The following COL4A5 variants were observed in gnomAD, a reference collection of about 807,000 sequenced individuals.
COL4A5 encodes collagen alpha-5(IV) chain.
COL4A5 carries 26 observed loss-of-function variants against 130.2 expected under a neutral mutation model. The ratio of observed to expected loss-of-function variants is 0.20; its 90% CI spans 0.15 to 0.28. COL4A5 has a LOEUF of 0.28. Ranked by LOEUF, COL4A5 falls within the 10% of genes least tolerant of loss-of-function variation. The probability of loss-of-function intolerance (pLI) is 1.00; values close to 1 mark genes in which losing one functional copy is unlikely to be tolerated. For missense variants in COL4A5, 1,131 were observed against 1,344.3 expected, an observed-to-expected ratio of 0.84 and a Z score of 2.48; for synonymous variants, 496 against 439.6, an observed-to-expected ratio of 1.13 and a Z score of -1.60.
At chrX:108,452,381 T>C (rs12686926) in intron 1 of COL4A5, among the ~76,000 whole-genome samples, 11,647 of 111,502 alleles carry the variant, frequency 0.1, 1,306 homozygotes, top group African/African-American at 0.34. Flanking sequence ...GGTAGCTTGA[T>C]GGGGATGGCA....
At chrX:108,547,640 A>C (rs1282967071) in intron 2 of COL4A5, among the ~76,000 whole-genome samples, 1 of 111,937 alleles carries the variant, frequency 8.9e-6, no homozygotes, top group Non-Finnish European at 1.9e-5. Context: ...CCAAGCTGTC[A>C]GATAGGGACA....
At chrX:108,492,066 G>A (rs888454168) in intron 1 of COL4A5, among the ~76,000 whole-genome samples, 2 of 111,405 alleles carry the variant, frequency 1.8e-5, no homozygotes, top group African/African-American at 6.5e-5. Context: ...TGGTAATTTC[G>A]AAGGCCATGT....
At chrX:108,674,878 G>A (rs112483562) in intron 43 of COL4A5, 125 bp downstream of exon 43, 13 of 638,680 alleles carry the variant, frequency 2.0e-5, no homozygotes, top group African/African-American at 1.4e-4. Flanking sequence ...TCCTCAAGCT[G>A]GGGTTTTAAC....
At chrX:108,516,624 C>A (rs1319530913) in intron 1 of COL4A5, among the ~76,000 whole-genome samples, 8 of 111,441 alleles carry the variant, frequency 7.2e-5, no homozygotes, top group Non-Finnish European at 1.5e-4. Context: ...ATCTTATTTC[C>A]CAGTTTTCTT....
At chrX:108,518,110 GTTTC>G (rs778273600) in intron 1 of COL4A5, among the ~76,000 whole-genome samples, 10 of 111,064 alleles carry the variant, frequency 9.0e-5, no homozygotes, top group African/African-American at 3.3e-4. Flanking sequence ...CGTACACTTG[GTTTC>G]TTTCTTATCT....
At chrX:108,591,807 T>G (rs757406397) in intron 21 of COL4A5, among the ~76,000 whole-genome samples, 163 bp downstream of exon 21, 1 of 111,689 alleles carries the variant, frequency 9.0e-6, no homozygotes, top group African/African-American at 3.3e-5. Flanking sequence ...CTTGGTTTCA[T>G]GCATCCCATT....
At chrX:108,472,268 T>C (rs2147509766) in intron 1 of COL4A5, among the ~76,000 whole-genome samples, 1 of 111,721 alleles carries the variant, frequency 9.0e-6, no homozygotes, top group South Asian at 3.7e-4. Context: ...ATATGTTGTG[T>C]CTTAGAGAAT....
chrX:108,537,803 C>T (rs1421419498), intron 1 of COL4A5, among the ~76,000 whole-genome samples: 7 of 111,783 alleles, frequency 6.3e-5, no homozygotes, highest in African/African-American at 2.3e-4. Context: ...CTACTCTTTA[C>T]CTCTCCATTA....
intron 1 of COL4A5, among the ~76,000 whole-genome samples, chrX:108,479,228 CAGAG>C (rs2064865309): frequency 8.9e-6 from 1 of 112,625 alleles, no homozygotes; most frequent in Non-Finnish European, 1.9e-5. Context: ...TTTGACCACT[CAGAG>C]AGGTCCATCC....
intron 31 of COL4A5, among the ~76,000 whole-genome samples, chrX:108,621,379 G>A (rs760468464): frequency 2.8e-5 from 3 of 108,797 alleles, no homozygotes; most frequent in African/African-American, 1.0e-4. Context: ...TGCCCAGGCT[G>A]CTCTCAAATT....
intron 36 of COL4A5, among the ~76,000 whole-genome samples, chrX:108,646,547 A>G (rs192418055): frequency 0.1 from 11,050 of 110,338 alleles, 1,290 homozygotes; most frequent in African/African-American, 0.33. Context: ...TCACTCTGAT[A>G]GTAGTTTCTT....
At chrX:108,473,617 A>G (rs1356477296) in intron 1 of COL4A5, among the ~76,000 whole-genome samples, 1 of 38,453 alleles carries the variant, frequency 2.6e-5, no homozygotes, top group Admixed American at 1.9e-4. Flanking sequence ...ATATATGTAT[A>G]TATATATATA....
At chrX:108,686,219 A>G in intron 48 of COL4A5, 90 bp downstream of exon 48, 2 of 686,607 alleles carry the variant, frequency 2.9e-6, no homozygotes, top group Non-Finnish European at 4.6e-6. Context: ...GAGCTGTGAG[A>G]TCTTCTCTTG....
At chrX:108,539,649 T>G in intron 1 of COL4A5, 97 bp from the exon 2 acceptor site, 1 of 716,466 alleles carries the variant, frequency 1.4e-6, no homozygotes, top group Non-Finnish European at 2.2e-6. Context: ...GTATCTATCT[T>G]TCAAGTTTGG....
chrX:108,642,714 A>G (rs1160058549), intron 36 of COL4A5, among the ~76,000 whole-genome samples: 1 of 109,801 alleles, frequency 9.1e-6, no homozygotes, highest in Non-Finnish European at 1.9e-5. Flanking sequence ...GGAACATCCC[A>G]TGGGACAAAG....
intron 4 of COL4A5, among the ~76,000 whole-genome samples, chrX:108,567,375 C>T (rs1179043479): frequency 1.8e-5 from 2 of 112,104 alleles, no homozygotes; most frequent in African/African-American, 3.2e-5. Context: ...AAAACATCTA[C>T]GTGGTTTTAT....
intron 2 of COL4A5, among the ~76,000 whole-genome samples, chrX:108,557,171 C>T (rs2065834631): frequency 9.0e-6 from 1 of 110,899 alleles, no homozygotes; most frequent in Admixed American, 9.7e-5. Flanking sequence ...CCTGTTTTCC[C>T]CTCATGAAAA....
intron 47 of COL4A5, among the ~76,000 whole-genome samples, chrX:108,684,297 A>T (rs912213365): frequency 3.2e-4 from 36 of 111,352 alleles, no homozygotes; most frequent in African/African-American, 1.2e-3. Flanking sequence ...AGACACAAAA[A>T]CCCTTCAAAA....
At chrX:108,587,925 C>T (rs940205950) in intron 19 of COL4A5, among the ~76,000 whole-genome samples, 2 of 111,273 alleles carry the variant, frequency 1.8e-5, no homozygotes, top group African/African-American at 6.5e-5. Context: ...CAAGTAATGC[C>T]TAGTTTTGCA....
Sources: gnomAD v4.1 joint callset for allele counts (sites outside exome capture counted in the v4.1 genomes callset) on GRCh38, gnomAD v4.1.1 for gene constraint, MANE v1.5 for transcripts, NCBI Gene and HGNC (gene_info 2026-07-23, HGNC 2026-07-21) for gene names.